SYBU: variants seen among roughly 807,000 people sequenced by gnomAD.
The protein encoded by SYBU is syntabulin.
In SYBU, 21 loss-of-function variants were observed where a neutral mutation model predicts 35.9. The observed-to-expected ratio is 0.58, with a 90% CI of 0.41 to 0.84. The LOEUF (loss-of-function observed/expected upper bound fraction) is 0.84. Ranked by LOEUF, SYBU falls within the 40% of genes least tolerant of loss-of-function variation. The probability of loss-of-function intolerance (pLI) is 0.00; values close to 1 mark genes in which losing one functional copy is unlikely to be tolerated. For synonymous variants in SYBU, 319 were observed against 324.3 expected, an observed-to-expected ratio of 0.98 and a Z score of 0.18; for missense variants, 768 against 848.2, an observed-to-expected ratio of 0.91 and a Z score of 1.17.
At chr8:109,636,949 C>T (rs77541629) in intron 2 of SYBU, among the ~76,000 whole-genome samples, 2 of 152,262 alleles carry the variant, frequency 1.3e-5, no homozygotes, top group African/African-American at 4.8e-5. Flanking sequence ...TCCACCTTGC[C>T]CCATGGTCAC....
intron 2 of SYBU, among the ~76,000 whole-genome samples, chr8:109,638,821 T>C (rs1814528076): frequency 6.6e-6 from 1 of 152,142 alleles, no homozygotes; most frequent in Non-Finnish European, 1.5e-5. Flanking sequence ...ACTCATGTGC[T>C]GATGAAATGC....
upstream of SYBU, among the ~76,000 whole-genome samples, chr8:109,649,422 T>C (rs1421209378): frequency 1.3e-5 from 2 of 152,180 alleles, no homozygotes; most frequent in Non-Finnish European, 2.9e-5. Flanking sequence ...ATAGAGGTGC[T>C]TGGGGCAGAG....
At chr8:109,668,781 C>T (rs1261492919) in intron 1 of SYBU, among the ~76,000 whole-genome samples, 1 of 152,092 alleles carries the variant, frequency 6.6e-6, no homozygotes. Flanking sequence ...GTCCTTCAAA[C>T]GAGTCTCAGT....
In SYBU at chr8:109,578,161, A is replaced by C. The variant is rs139488904; in HGVS notation, c.735-144T>G. On this transcript the variant is annotated intron_variant, in intron 5 of 6. Transcript: ENST00000276646. ...CTTCTTACCCCAATATGACGGTATT[A>C]GGTGGTGACGACTTTGGGAATTAGC... 416 of 914,242 alleles carry C rather than the reference A, an allele frequency of 4.6e-4. 1 individual carries two copies. In the East Asian group the frequency reaches 9.1e-3, roughly 20 times the overall value. 56.6% of individuals were successfully genotyped at this position (914,242 alleles called of 1,614,324 possible).
chr8:109,594,420 T>C (rs1004929920), intron 3 of SYBU, among the ~76,000 whole-genome samples: 1 of 152,038 alleles, frequency 6.6e-6, no homozygotes, highest in East Asian at 1.9e-4. Flanking sequence ...AGACCACAAA[T>C]GGAATAAAAC....
chr8:109,575,229 C>G lies in SYBU; in HGVS notation c.1669G>C (p.Val557Leu), dbSNP rs747836406. The G allele has an allele frequency of 8.1e-6, 13 of 1,614,136 alleles. No homozygotes were observed. Among genetic ancestry groups the G allele is most frequent in the Non-Finnish European group, 7.6e-6 (9 of 1,180,016 alleles). Residue 557 changes from valine (V) to leucine (L), a missense_variant, in exon 7 of 7, where the codon GTG becomes CTG. Physicochemically the swap from Val to Leu is conservative, Grantham distance 32 (BLOSUM62 1). Transcript: ENST00000276646. ...TCCACATTGGCGTAGGGGGTCTCCA[C>G]GGGAGACAAAAGGATGGCTGAGTTT... Reference protein sequence around the residue: ...NPNSAILLSPVETPYANVDAE... With the variant: ...NPNSAILLSPLETPYANVDAE...
At chr8:109,644,113 G>GTA (rs1368092370) in intron 1 of SYBU, 1 of 457,192 alleles carries the variant, frequency 2.2e-6, no homozygotes, top group Non-Finnish European at 4.4e-6. Flanking sequence ...AAATTGAAGG[G>GTA]TAAACCTCAG....
chr8:109,596,479 C>G (rs370388378), intron 3 of SYBU, among the ~76,000 whole-genome samples: 2 of 152,226 alleles, frequency 1.3e-5, no homozygotes, highest in East Asian at 1.9e-4. Flanking sequence ...ATCTTATCCC[C>G]TGTTCACCAT....
At position 109,643,147 on chromosome 8, in the gene SYBU, G is replaced by GCACACACACA. The variant is rs35325438; in HGVS notation, c.25-225_25-216dup. ...CTACTGAATAGCACATGTCTGTGTG[G>GCACACACACA]CACACACACACACACACACACACAC... On this transcript the variant is annotated intron_variant, in intron 1 of 6. Coordinates refer to ENST00000276646, the MANE Select transcript of SYBU (RefSeq NM_001099754.2). The GCACACACACA allele has an allele frequency of 2.6e-6, 3 of 1,142,190 alleles. No individual in the cohort carries two copies. In the African/African-American group the frequency reaches 4.9e-5, roughly 19 times the overall value. The allele number at this position is 1,142,190 out of a possible 1,614,324, so 70.8% of individuals were successfully genotyped here.
At chr8:109,605,830 G>A (rs1826014004) in intron 3 of SYBU, among the ~76,000 whole-genome samples, 1 of 151,998 alleles carries the variant, frequency 6.6e-6, no homozygotes. Context: ...AATGAAAAAT[G>A]AAATTGCTTT....
intron 1 of SYBU, among the ~76,000 whole-genome samples, chr8:109,653,512 A>G (rs1816234062): frequency 1.3e-5 from 2 of 152,236 alleles, no homozygotes; most frequent in Admixed American, 1.3e-4. Flanking sequence ...TGCCTCTCCT[A>G]TGACCCGAAG....
intron 3 of SYBU, among the ~76,000 whole-genome samples, chr8:109,618,063 A>T (rs1234409763): frequency 6.6e-6 from 1 of 152,242 alleles, no homozygotes; most frequent in East Asian, 1.9e-4. Flanking sequence ...GCAAGCCAGT[A>T]ATCTGTCTTT....
upstream of SYBU, among the ~76,000 whole-genome samples, chr8:109,649,702 T>C (rs528330796): frequency 6.6e-6 from 1 of 152,320 alleles, no homozygotes; most frequent in African/African-American, 2.4e-5. Flanking sequence ...TTGGTTCATC[T>C]TTGAAAATAG....
rs1586746036 is a variant in SYBU at position 109,586,337 on chromosome 8, A to ACTT, written c.428-176_428-175insAAG. On this transcript the variant is annotated intron_variant, in intron 3 of 6. Transcript: ENST00000276646. ...CCTCAAAGCAGTCAAGAGAAGGCCCAGTACAAGAACATCATTTCATAAACA... is the reference window on the plus strand; with the variant it reads ...CCTCAAAGCAGTCAAGAGAAGGCCCACTTGTACAAGAACATCATTTCATAAACA... 4 of 587,896 alleles carry ACTT rather than the reference A, an allele frequency of 6.8e-6. No individual in the cohort carries two copies. In the East Asian group the frequency reaches 1.1e-4, roughly 17 times the overall value. The allele number at this position is 587,896 out of a possible 1,614,324, so 36.4% of individuals were successfully genotyped here. A position where few individuals can be genotyped will look rare whatever the true frequency, so the allele number is the denominator to read the frequency against.
intron 3 of SYBU, among the ~76,000 whole-genome samples, chr8:109,602,342 T>C (rs1228832200): frequency 6.6e-6 from 1 of 151,780 alleles, no homozygotes; most frequent in Admixed American, 6.6e-5. Flanking sequence ...TCTTATATAT[T>C]GCCTGAAGAA....
At position 109,642,854 on chromosome 8, in the gene SYBU, G is replaced by A. The variant is rs1189115259; in HGVS notation, c.103C>T (p.Pro35Ser). 7 of 1,610,336 alleles carry A rather than the reference G, an allele frequency of 4.3e-6. No homozygotes were observed. The highest frequency in any genetic ancestry group is 2.7e-5 in the African/African-American group (2 of 74,870). ...GGGGACACTTTGTGCTGTTGTTGGG[G>A]CATATGGGGCCGAAGAATCAACCGG... is the stretch of plus-strand genomic sequence containing the variant. ...IPRLILRPHM[P>S]QQQHKVSPAS... is the part of the protein sequence containing the mutation. The change falls in exon 2 of 7, where the codon CCC (proline) becomes TCC (serine). Residue 35 changes from proline (P) to serine (S), a missense_variant. By Grantham distance (74) the Pro-to-Ser change is moderately conservative (BLOSUM62 -1). Transcript: ENST00000276646.
At chr8:109,617,734 A>G (rs1811970987) in intron 3 of SYBU, among the ~76,000 whole-genome samples, 1 of 152,184 alleles carries the variant, frequency 6.6e-6, no homozygotes, top group African/African-American at 2.4e-5. Context: ...GGAGACTATT[A>G]ACGAATTCAT....
At chr8:109,641,739 T>C (rs1383616144) in intron 2 of SYBU, among the ~76,000 whole-genome samples, 2 of 152,220 alleles carry the variant, frequency 1.3e-5, no homozygotes. Context: ...TTTTTCTACA[T>C]TTAACAAAGG....
intron 3 of SYBU, among the ~76,000 whole-genome samples, chr8:109,597,070 T>C (rs1824963111): frequency 6.6e-6 from 1 of 152,222 alleles, no homozygotes; most frequent in Non-Finnish European, 1.5e-5. Flanking sequence ...ATGGTAGCTC[T>C]GACCCTGAAT....
Sources: gnomAD v4.1 joint callset for allele counts (sites outside exome capture counted in the v4.1 genomes callset) on GRCh38, gnomAD v4.1.1 for gene constraint, MANE v1.5 for transcripts, NCBI Gene and HGNC (gene_info 2026-07-23, HGNC 2026-07-21) for gene names.